Variants in PIGK observed in about 807,000 individuals in gnomAD.
PIGK encodes GPI-anchor transamidase.
Under a neutral mutation model 50.6 loss-of-function variants are expected in PIGK, and 42 were observed. The ratio of observed to expected loss-of-function variants is 0.83; its 90% CI spans 0.65 to 1.07. The LOEUF is 1.07. Ranked by LOEUF, PIGK falls within the 50% of genes least tolerant of loss-of-function variation. The pLI, the probability that PIGK is intolerant of heterozygous loss-of-function variation, is 0.00. For missense variants in PIGK, 448 were observed against 488.7 expected, an observed-to-expected ratio of 0.92 and a Z score of 0.78; for synonymous variants, 151 against 156.0, an observed-to-expected ratio of 0.97 and a Z score of 0.24.
intron 10 of PIGK, among the ~76,000 whole-genome samples, chr1:77,119,520 A>G (rs1240440258): frequency 2.0e-5 from 3 of 152,190 alleles, no homozygotes; most frequent in Non-Finnish European, 2.9e-5. Context: ...TATTGTTCAT[A>G]ACTTGAGTCT....
chr1:77,148,872 G>A (rs565173472), intron 9 of PIGK, among the ~76,000 whole-genome samples: 2 of 151,878 alleles, frequency 1.3e-5, no homozygotes, highest in African/African-American at 2.4e-5. Flanking sequence ...GCACTGCCAC[G>A]CTCAGCTAAT....
chr1:77,217,153 A>C (rs1656587237), intron 1 of PIGK, among the ~76,000 whole-genome samples: 1 of 152,226 alleles, frequency 6.6e-6, no homozygotes. Context: ...TGAGTGCTCC[A>C]AATACAATGC....
intron 8 of PIGK, among the ~76,000 whole-genome samples, chr1:77,158,743 C>G (rs1282127842): frequency 6.6e-6 from 1 of 152,148 alleles, no homozygotes; most frequent in African/African-American, 2.4e-5. Context: ...GAAGAAATTT[C>G]TAAGCAGCAA....
intron 9 of PIGK, among the ~76,000 whole-genome samples, chr1:77,151,875 T>G (rs12126662): frequency 5.3e-5 from 8 of 152,028 alleles, no homozygotes; most frequent in Admixed American, 5.2e-4. Context: ...CCCATGCTCA[T>G]GGATTGCACG....
At position 77,100,118 on chromosome 1, in the gene PIGK, T is replaced by C. The variant is rs1344358024; in HGVS notation, c.1072-7628A>G. Among the ~76,000 whole-genome samples the C allele has an allele frequency of 2.6e-5, 4 of 152,280 alleles. No individual in the cohort carries two copies. The East Asian group carries it at 5.8e-4, about 22-fold the overall frequency. Reference sequence around the variant, plus strand: ...AGTTAACAGAGCACAGATCTAAGTATTAAAATTATGTAAAAAGAAAAAACT... The same window carrying C: ...AGTTAACAGAGCACAGATCTAAGTACTAAAATTATGTAAAAAGAAAAAACT... On this transcript the variant is annotated intron_variant, in intron 10 of 10. Coordinates refer to ENST00000370812, the MANE Select transcript of PIGK (RefSeq NM_005482.3).
chr1:77,126,472 T>A (rs1413613746), intron 9 of PIGK, among the ~76,000 whole-genome samples: 1 of 152,138 alleles, frequency 6.6e-6, no homozygotes, highest in Non-Finnish European at 1.5e-5. Flanking sequence ...AAGTGGCACT[T>A]TTTGTGGTGG....
rs551306583 is a variant in PIGK, at chr1:77,090,742, T to C, written c.*1632A>G. 1 of 152,248 alleles carries C rather than the reference T, an allele frequency of 6.6e-6. No individual in the cohort carries two copies. The highest frequency in any genetic ancestry group is 1.5e-5 in the Non-Finnish European group (1 of 68,044). The allele number at this position is 152,248 out of a possible 1,614,324, so 9.4% of individuals were successfully genotyped here. A position where few individuals can be genotyped will look rare whatever the true frequency, so the allele number is the denominator to read the frequency against. ...TGTCTCAGTGCTACTATAATCAGTC[T>C]ATTCAATTGCAAGTTTATTTTCCCT... On this transcript the variant is annotated 3_prime_UTR_variant, in exon 11 of 11. Coordinates refer to ENST00000370812, the MANE Select transcript of PIGK (RefSeq NM_005482.3).
intron 8 of PIGK, among the ~76,000 whole-genome samples, chr1:77,160,127 T>C (rs920789819): frequency 6.6e-6 from 1 of 152,180 alleles, no homozygotes. Flanking sequence ...TAGTGAGTTC[T>C]CATGAGATCT....
At chr1:77,209,836 T>C (rs1316842845) in intron 2 of PIGK, among the ~76,000 whole-genome samples, 1 of 152,060 alleles carries the variant, frequency 6.6e-6, no homozygotes, top group African/African-American at 2.4e-5. Context: ...ATCCCAATTA[T>C]ATAAAATCAT....
At chr1:77,122,152 G>A (rs1654111929) in intron 10 of PIGK, 123 bp downstream of exon 10, 1 of 621,312 alleles carries the variant, frequency 1.6e-6, no homozygotes, top group Non-Finnish European at 2.9e-6. Context: ...GTCTAAATAG[G>A]GATAGACAGC....
chr1:77,094,220 T>C (rs1177651423), intron 10 of PIGK, among the ~76,000 whole-genome samples: 2 of 152,132 alleles, frequency 1.3e-5, no homozygotes, highest in African/African-American at 4.8e-5. Context: ...CCTATAGATA[T>C]TCCCTGAAAG....
At position 77,101,165 on chromosome 1, in the gene PIGK, A is replaced by C. The variant is rs181698657; in HGVS notation, c.1072-8675T>G. ...ATTTATTACATCTGATACTAAAAAA[A>C]ATGCAAGGAATCTACTTGCATTGTT... On this transcript the variant is annotated intron_variant, in intron 10 of 10. Transcript: ENST00000370812. Among the ~76,000 whole-genome samples the C allele has an allele frequency of 2.7e-3, 416 of 152,336 alleles. 1 individual carries two copies. The highest frequency in any genetic ancestry group is 9.2e-3 in the African/African-American group (383 of 41,576).
chr1:77,116,600 G>C (rs866536663), intron 10 of PIGK, among the ~76,000 whole-genome samples: 1 of 114,016 alleles, frequency 8.8e-6, no homozygotes, highest in Admixed American at 9.6e-5. Flanking sequence ...GTGTGTGCGC[G>C]TGTGTGTGTG....
chr1:77,164,258 C>G (rs1448901801), intron 5 of PIGK, among the ~76,000 whole-genome samples: 1 of 152,062 alleles, frequency 6.6e-6, no homozygotes, highest in Non-Finnish European at 1.5e-5. Context: ...TTTCAAATAC[C>G]AGGCAAACAT....
chr1:77,135,770 T>C (rs1222187040), intron 9 of PIGK, among the ~76,000 whole-genome samples: 31 of 151,690 alleles, frequency 2.0e-4, no homozygotes, highest in Non-Finnish European at 2.9e-5. Flanking sequence ...GCTATTAAAA[T>C]TTACAACCCT....
rs1454005003 is a variant in PIGK, at chr1:77,090,991, G to A, written c.*1383C>T. On this transcript the variant is annotated 3_prime_UTR_variant, in exon 11 of 11. Transcript: ENST00000370812. ...AAAGGTAATATTATAAGTGCAAAAGGAAAAACAAATCTTAAGGAATATTAA... is the reference window on the plus strand; with the variant it reads ...AAAGGTAATATTATAAGTGCAAAAGAAAAAACAAATCTTAAGGAATATTAA... 2.6e-5 allele frequency: 4 copies of A among 152,018 alleles called. No homozygotes were observed. The highest frequency in any genetic ancestry group is 4.4e-5 in the Non-Finnish European group (3 of 67,980). 9.4% of individuals were successfully genotyped at this position (152,018 alleles called of 1,614,324 possible).
chr1:77,176,143 T>C (rs1655485518), intron 3 of PIGK, among the ~76,000 whole-genome samples: 1 of 152,178 alleles, frequency 6.6e-6, no homozygotes, highest in Non-Finnish European at 1.5e-5. Flanking sequence ...CTTCATCATT[T>C]TGGCTAAATG....
At chr1:77,167,956 C>T (rs972618900) in intron 4 of PIGK, among the ~76,000 whole-genome samples, 2 of 151,918 alleles carry the variant, frequency 1.3e-5, no homozygotes, top group Admixed American at 6.6e-5. Flanking sequence ...CTCAGCATCA[C>T]ACAATATACC....
At position 77,090,456 on chromosome 1, in the gene PIGK, G is replaced by A. The variant is rs1653271294; in HGVS notation, c.*1918C>T. On this transcript the variant is annotated 3_prime_UTR_variant, in exon 11 of 11. Coordinates refer to ENST00000370812, the MANE Select transcript of PIGK (RefSeq NM_005482.3). ...CAACTGCCCTTTGAAATTCTGCTGAGGCAAAATTTATCCTGAATATTTTAT... is the reference window on the plus strand; with the variant it reads ...CAACTGCCCTTTGAAATTCTGCTGAAGCAAAATTTATCCTGAATATTTTAT... The A allele has an allele frequency of 1.3e-5, 2 of 152,126 alleles. No homozygotes were observed. The highest frequency in any genetic ancestry group is 2.1e-4 in the South Asian group (1 of 4,830). The allele number at this position is 152,126 out of a possible 1,614,324, so 9.4% of individuals were successfully genotyped here. A position where few individuals can be genotyped will look rare whatever the true frequency, so the allele number is the denominator to read the frequency against.
Sources: gnomAD v4.1 joint callset for allele counts (sites outside exome capture counted in the v4.1 genomes callset) on GRCh38, gnomAD v4.1.1 for gene constraint, MANE v1.5 for transcripts, NCBI Gene and HGNC (gene_info 2026-07-23, HGNC 2026-07-21) for gene names.